Variants in CAMKK2 observed in about 807,000 individuals in gnomAD.
The protein encoded by CAMKK2 is calcium/calmodulin dependent protein kinase kinase 2, also known as calcium/calmodulin-dependent protein kinase kinase 2.
In CAMKK2, 30 loss-of-function variants were observed where a neutral mutation model predicts 67.2. The observed-to-expected ratio is 0.45, with a 90% confidence interval of 0.33 to 0.61. The LOEUF is 0.61. Among genes scored for constraint, CAMKK2 ranks in the 20% least tolerant of loss-of-function variants. The pLI, the probability that CAMKK2 is intolerant of heterozygous loss-of-function variation, is 0.02. For synonymous variants in CAMKK2, 322 were observed against 326.2 expected, an observed-to-expected ratio of 0.99 and a Z score of 0.14; for missense variants, 643 against 802.0, an observed-to-expected ratio of 0.80 and a Z score of 2.39.
intron 9 of CAMKK2, among the ~76,000 whole-genome samples, chr12:121,255,344 A>ATATATATAATTT (rs1891978335): frequency 0.02 from 193 of 9,640 alleles, 18 homozygotes; most frequent in Middle Eastern, 0.1. Context: ...ATATAATTTT[A>ATATATATAATTT]TATATATAAT....
Position 121,245,390 on chromosome 12 carries a change from C to A in CAMKK2, c.1453-150G>T. On this transcript the variant is annotated intron_variant, in intron 14 of 16. Coordinates refer to ENST00000404169, the MANE Select transcript of CAMKK2 (RefSeq NM_001270485.2). The surrounding 1 kb of genome is among the most constrained non-coding windows in gnomAD (Gnocchi z 5.8). ...AGACTTTGAGAGAAACTGGGCAGCA[C>A]CACCCCGCAACCAACCCCCGCCGAA... 1 of 627,604 alleles carries A rather than the reference C, an allele frequency of 1.6e-6. No individual in the cohort carries two copies. 38.9% of individuals were successfully genotyped at this position (627,604 alleles called of 1,614,324 possible).
At chr12:121,266,572 G>A (rs1409073702) in intron 5 of CAMKK2, among the ~76,000 whole-genome samples, 1 of 149,974 alleles carries the variant, frequency 6.7e-6, no homozygotes, top group Non-Finnish European at 1.5e-5. Flanking sequence ...TCTCGGCTCA[G>A]TGTAACCTCT....
chr12:121,269,449 T>C (rs1258832975), intron 4 of CAMKK2, 79 bp downstream of exon 4: 1 of 1,175,068 alleles, frequency 8.5e-7, no homozygotes. Context: ...CTAGGAAAAC[T>C]TTCCAGGAAG....
intron 1 of CAMKK2, among the ~76,000 whole-genome samples, chr12:121,279,284 G>A (rs918466129): frequency 2.6e-5 from 4 of 152,180 alleles, no homozygotes; most frequent in African/African-American, 7.2e-5. Context: ...CAGGGCAAGC[G>A]TGAAACCCCA....
chr12:121,293,665 C>T (rs568745304), intron 1 of CAMKK2, among the ~76,000 whole-genome samples: 9 of 151,864 alleles, frequency 5.9e-5, no homozygotes, highest in African/African-American at 1.9e-4. Context: ...AGGAAACCCC[C>T]GGCTACTGCA....
intron 1 of CAMKK2, among the ~76,000 whole-genome samples, chr12:121,288,733 AC>A (rs953520736): frequency 7.3e-5 from 11 of 151,100 alleles, no homozygotes; most frequent in Admixed American, 2.0e-4. Flanking sequence ...ACTGACTCCC[AC>A]CCCCCTTTCC....
At position 121,288,306 on chromosome 12, in the gene CAMKK2, G is replaced by T. The variant is rs1364514185; in HGVS notation, c.-60+8332C>A. Among the ~76,000 whole-genome samples the T allele has an allele frequency of 2.0e-5, 3 of 152,166 alleles. No homozygotes were observed. The East Asian group carries it at 5.8e-4, about 29-fold the overall frequency. On this transcript the variant is annotated intron_variant, in intron 1 of 16. Transcript: ENST00000404169. ...TCGAAACCCACAGGCATCGGTGCCTGGGCTACCCACGGCCCCTCTCCCTCC... is the reference window on the plus strand; with the variant it reads ...TCGAAACCCACAGGCATCGGTGCCTTGGCTACCCACGGCCCCTCTCCCTCC...
chr12:121,255,272 A>AAT, intron 9 of CAMKK2, among the ~76,000 whole-genome samples: 1 of 83,102 alleles, frequency 1.2e-5, no homozygotes, highest in African/African-American at 4.9e-5. Flanking sequence ...TTTTATATAT[A>AAT]TATAATTATA....
chr12:121,268,612 T>A, intron 5 of CAMKK2, 26 bp downstream of exon 5: 1 of 1,612,636 alleles, frequency 6.2e-7, no homozygotes, highest in Non-Finnish European at 8.5e-7. Context: ...CCCCTGTACC[T>A]AACAACAAAG....
In CAMKK2 at chr12:121,274,224, C is replaced by T; in HGVS notation, c.303G>A (p.Leu101=). The T allele has an allele frequency of 6.2e-7, 1 of 1,608,956 alleles. No individual in the cohort carries two copies. Among genetic ancestry groups the T allele is most frequent in the African/African-American group, 1.3e-5 (1 of 74,946 alleles). ...CCAGCCCACCCTGGGACCGCTCTTG[C>T]AGAGACAGCTTGCGACCGGAGAGGT... ...RPHLSGRKLS[L]QERSQGGLAA... The change falls in exon 2 of 17, where the codon CTG becomes CTA. Residue 101 remains leucine, a synonymous_variant. Transcript: ENST00000404169.
In CAMKK2 at chr12:121,266,489, G is replaced by T. The variant is rs1014282294; in HGVS notation, c.625+2149C>A. Among the ~76,000 whole-genome samples the T allele has an allele frequency of 9.9e-5, 14 of 141,836 alleles. No individual in the cohort carries two copies. The East Asian group carries it at 2.6e-3, about 26-fold the overall frequency. The allele number at this position is 141,836 out of a possible 152,430, so 93.0% of individuals were successfully genotyped here. A position where few individuals can be genotyped will look rare whatever the true frequency, so the allele number is the denominator to read the frequency against. On this transcript the variant is annotated intron_variant, in intron 5 of 16. Coordinates refer to ENST00000404169, the MANE Select transcript of CAMKK2 (RefSeq NM_001270485.2). ...AAGCAGGATAAACCAGGGTCCTACT[G>T]TTAGGATGGGTTTTTTTTTTTTTTT...
In CAMKK2 at chr12:121,253,301, G is replaced by C; in HGVS notation, c.1079C>G (p.Ser360Cys). ...CCCAGAGAAGATCTTGCGGGTCTCA[G>C]AGAGCGACTCGGGTGCCATGAAGGC... is the stretch of plus-strand genomic sequence containing the variant. ...TPAFMAPESLSETRKIFSGKA... is the reference protein window; with the variant it reads ...TPAFMAPESLCETRKIFSGKA... Residue 360 changes from serine (S) to cysteine (C), a missense_variant, in exon 10 of 17, where the codon TCT (serine) becomes TGT (cysteine). Transcript: ENST00000404169. The surrounding 1 kb of genome is among the most constrained non-coding windows in gnomAD (Gnocchi z 5.0). 1 of 1,614,222 alleles carries C rather than the reference G, an allele frequency of 6.2e-7. No individual in the cohort carries two copies. The highest frequency in any genetic ancestry group is 8.5e-7 in the Non-Finnish European group (1 of 1,180,036).
rs112080179 is a variant in CAMKK2 at position 121,290,291 on chromosome 12, G to A, written c.-60+6347C>T. Among the ~76,000 whole-genome samples, 16 of 152,274 alleles carry A rather than the reference G, an allele frequency of 1.1e-4. 1 individual carries two copies. The highest frequency in any genetic ancestry group is 3.6e-4 in the African/African-American group (15 of 41,566). ...GGGCTGACTCCACTCACGGCCACAG[G>A]GCCGTGGCACTATCTCTCTGCTTTT... On this transcript the variant is annotated intron_variant, in intron 1 of 16. Coordinates refer to ENST00000404169, the MANE Select transcript of CAMKK2 (RefSeq NM_001270485.2).
intron 14 of CAMKK2, among the ~76,000 whole-genome samples, chr12:121,247,962 C>T (rs1018355916): frequency 1.3e-5 from 2 of 152,122 alleles, no homozygotes; most frequent in Non-Finnish European, 2.9e-5. Flanking sequence ...GAACCTGGAT[C>T]CCTGGGACTC....
At chr12:121,269,310 T>G (rs1039027839) in intron 4 of CAMKK2, among the ~76,000 whole-genome samples, 1 of 152,108 alleles carries the variant, frequency 6.6e-6, no homozygotes, top group African/African-American at 2.4e-5. Flanking sequence ...ATAAAAGCCT[T>G]TTGCTGAATG....
chr12:121,255,773 G>T lies in CAMKK2; in HGVS notation c.818+10C>A. On this transcript the variant is annotated intron_variant, in intron 8 of 16. Transcript: ENST00000404169. ...CTTGCATCACCCCTGCTGGGAGCTG[G>T]GACACTCACCCTTGGTTGACCAGTT... The T allele has an allele frequency of 1.2e-6, 2 of 1,613,898 alleles. No individual in the cohort carries two copies. The highest frequency in any genetic ancestry group is 1.7e-6 in the Non-Finnish European group (2 of 1,179,876).
rs1165320846 is a variant in CAMKK2 at position 121,253,142 on chromosome 12, A to C, written c.1107+131T>G. On this transcript the variant is annotated intron_variant, in intron 10 of 16. Coordinates refer to ENST00000404169, the MANE Select transcript of CAMKK2 (RefSeq NM_001270485.2). The surrounding 1 kb of genome is among the most constrained non-coding windows in gnomAD (Gnocchi z 5.0). Reference sequence around the variant, plus strand: ...GAGTCCCTGGATCTAGCCAAGCCTGAAGCCTACCCCTCAGTATCTTGATCC... The same window carrying C: ...GAGTCCCTGGATCTAGCCAAGCCTGCAGCCTACCCCTCAGTATCTTGATCC... The C allele has an allele frequency of 1.3e-6, 1 of 759,568 alleles. No individual in the cohort carries two copies. Among genetic ancestry groups the C allele is most frequent in the Non-Finnish European group, 2.2e-6 (1 of 453,542 alleles). 47.1% of individuals were successfully genotyped at this position (759,568 alleles called of 1,614,324 possible). A position where few individuals can be genotyped will look rare whatever the true frequency, so the allele number is the denominator to read the frequency against.
chr12:121,276,455 G>C (rs961042372), intron 1 of CAMKK2, among the ~76,000 whole-genome samples: 10 of 152,118 alleles, frequency 6.6e-5, no homozygotes, highest in Non-Finnish European at 1.2e-4. Flanking sequence ...CTGGGTGACT[G>C]AACAAGACTC....
chr12:121,291,117 G>A (rs1294185846), intron 1 of CAMKK2, among the ~76,000 whole-genome samples: 1 of 152,242 alleles, frequency 6.6e-6, no homozygotes, highest in African/African-American at 2.4e-5. Flanking sequence ...ACTGTGCCTG[G>A]CCAGCAATGG....
Sources: gnomAD v4.1 joint callset for allele counts (sites outside exome capture counted in the v4.1 genomes callset) on GRCh38, gnomAD v4.1.1 for gene constraint, Gnocchi (gnomAD v3.1) non-coding constraint, MANE v1.5 for transcripts, NCBI Gene and HGNC (gene_info 2026-07-23, HGNC 2026-07-21) for gene names.